Variants in CPSF7 observed in about 807,000 individuals in gnomAD.
CPSF7 encodes the protein cleavage and polyadenylation specificity factor subunit 7.
CPSF7 carries 1 observed loss-of-function variant against 44.3 expected under a neutral mutation model. That is an observed-to-expected ratio of 0.02 (90% CI 0.01 to 0.11). CPSF7 has a LOEUF of 0.11. CPSF7 is among the 10% of genes least tolerant of loss of function. The probability of loss-of-function intolerance (pLI) is 1.00; values close to 1 mark genes in which losing one functional copy is unlikely to be tolerated. For synonymous variants in CPSF7, 202 were observed against 222.0 expected (o/e 0.91, Z 0.80); for missense variants, 443 against 607.2 (o/e 0.73, Z 2.84).
intron 9 of CPSF7, among the ~76,000 whole-genome samples, chr11:61,406,978 A>G (rs550011500): frequency 3.9e-5 from 6 of 152,246 alleles, no homozygotes; most frequent in African/African-American, 1.4e-4. Context: ...GTGTTTTGCC[A>G]TGTTCCTCAG....
At chr11:61,424,729 A>G (rs1324048059) in intron 2 of CPSF7, among the ~76,000 whole-genome samples, 2 of 152,242 alleles carry the variant, frequency 1.3e-5, no homozygotes, top group Non-Finnish European at 2.9e-5. Flanking sequence ...CTGGGATTAC[A>G]GGCGTAAGCC....
intron 7 of CPSF7, among the ~76,000 whole-genome samples, chr11:61,414,142 A>C (rs1565104888): frequency 7.4e-6 from 1 of 135,146 alleles, no homozygotes; most frequent in Non-Finnish European, 1.5e-5. Flanking sequence ...TAATTTAAAA[A>C]GACTAATTTT....
chr11:61,411,740 G>T, intron 8 of CPSF7, 29 bp downstream of exon 8: 1 of 1,593,622 alleles, frequency 6.3e-7, no homozygotes, highest in African/African-American at 1.3e-5. Flanking sequence ...GCTTGGGGCT[G>T]GTAGGTGAGG....
At position 61,421,526 on chromosome 11, in the gene CPSF7, C is replaced by T; in HGVS notation, c.137G>A (p.Ser46Asn). ...TATSQPSDDR[S>N]SSTEPPPPVR... ...AGGAGGAGGTGGTTCAGTGCTGCTG[C>T]TTCTGTCATCTGAGGGCTGTGAGGT... is the stretch of plus-strand genomic sequence containing the variant. Residue 46 changes from serine to asparagine, a missense_variant, in exon 3 of 10, where the codon AGC becomes AAC. Coordinates refer to ENST00000439958, the MANE Select transcript of CPSF7 (RefSeq NM_001142565.3). 1 of 1,614,102 alleles carries T rather than the reference C, an allele frequency of 6.2e-7. No homozygotes were observed.
At chr11:61,420,208 C>G in intron 4 of CPSF7, 114 bp from the exon 5 acceptor site, 1 of 851,440 alleles carries the variant, frequency 1.2e-6, no homozygotes, top group Non-Finnish European at 1.8e-6. Flanking sequence ...TCTTGCTAAA[C>G]TAAACACACA....
At chr11:61,423,656 TAAGTTGGGAA>T (rs1861102542) in intron 2 of CPSF7, among the ~76,000 whole-genome samples, 1 of 152,226 alleles carries the variant, frequency 6.6e-6, no homozygotes, top group Non-Finnish European at 1.5e-5. Flanking sequence ...AGGAGGCACC[TAAGTTGGGAA>T]ACTTGTCTAG....
At chr11:61,415,838 G>A in intron 6 of CPSF7, 54 bp from the exon 7 acceptor site, 1 of 1,284,976 alleles carries the variant, frequency 7.8e-7, no homozygotes, top group Non-Finnish European at 1.1e-6. Flanking sequence ...TATTTTTACT[G>A]TACTCTACAA....
chr11:61,404,808 T>C (rs1859153659), intron 9 of CPSF7, 104 bp from the exon 10 acceptor site: 2 of 151,892 alleles, frequency 1.3e-5, no homozygotes, highest in Admixed American at 1.3e-4. Flanking sequence ...CGCTACAACA[T>C]AAGAAGTAAG....
chr11:61,424,936 T>C (rs757465626), intron 2 of CPSF7, among the ~76,000 whole-genome samples: 45 of 152,342 alleles, frequency 3.0e-4, no homozygotes, highest in South Asian at 1.0e-3. Context: ...TGGACTAACA[T>C]GCAGATTTGG....
In CPSF7 at chr11:61,416,049, A is replaced by G. The variant is rs994303019; in HGVS notation, c.938+56T>C. Reference sequence around the variant, plus strand: ...TGCTCACTTTCTCAGGGAGAATAAAATGCTTAATACACTTATTTACCCTGG... The same window carrying G: ...TGCTCACTTTCTCAGGGAGAATAAAGTGCTTAATACACTTATTTACCCTGG... On this transcript the variant is annotated intron_variant, in intron 6 of 9. Coordinates refer to ENST00000439958, the MANE Select transcript of CPSF7 (RefSeq NM_001142565.3). The G allele has an allele frequency of 1.4e-5, 19 of 1,402,130 alleles. No individual in the cohort carries two copies. The African/African-American group carries it at 2.6e-4, about 19-fold the overall frequency. The allele number at this position is 1,402,130 out of a possible 1,614,324, so 86.9% of individuals were successfully genotyped here.
At chr11:61,406,618 C>G (rs2135237800) in intron 9 of CPSF7, among the ~76,000 whole-genome samples, 1 of 152,290 alleles carries the variant, frequency 6.6e-6, no homozygotes, top group South Asian at 2.1e-4. Context: ...TTAATTTTTC[C>G]CATCTTGTCA....
At chr11:61,406,625 G>C (rs1003622541) in intron 9 of CPSF7, among the ~76,000 whole-genome samples, 1 of 152,166 alleles carries the variant, frequency 6.6e-6, no homozygotes, top group Non-Finnish European at 1.5e-5. Context: ...TTCCCATCTT[G>C]TCATGGGCCT....
rs1401215329 is a variant in CPSF7, at chr11:61,421,440, T to C, written c.223A>G (p.Ser75Gly). 4 of 1,614,070 alleles carry C rather than the reference T, an allele frequency of 2.5e-6. No homozygotes were observed. The highest frequency in any genetic ancestry group is 3.3e-5 in the Admixed American group (2 of 60,000). ...NKTPAILYTY[S>G]GLRNRRAAVY... is the part of the protein sequence containing the mutation. The stretch of plus-strand genomic sequence containing the variant: ...GCAGCTCGTCTATTACGCAGGCCAC[T>C]GTAGGTATACAGAATTGCAGGGGTC... The change falls in exon 3 of 10, where the codon AGT (serine) becomes GGT (glycine). Residue 75 changes from serine to glycine, a missense_variant. Transcript: ENST00000439958.
intron 7 of CPSF7, among the ~76,000 whole-genome samples, chr11:61,414,261 A>G (rs971799544): frequency 1.3e-5 from 2 of 151,410 alleles, no homozygotes; most frequent in Non-Finnish European, 2.9e-5. Context: ...GCAATTCTCA[A>G]TTCTCGTGCC....
intron 2 of CPSF7, among the ~76,000 whole-genome samples, chr11:61,423,392 C>T (rs1565116634): frequency 6.6e-6 from 1 of 152,002 alleles, no homozygotes; most frequent in Non-Finnish European, 1.5e-5. Flanking sequence ...AGGCTGGTCT[C>T]AAACCCTTCA....
rs1860348153 is a variant in CPSF7 at position 61,416,449 on chromosome 11, G to T, written c.594C>A (p.Asn198Lys). The T allele has an allele frequency of 1.9e-6, 3 of 1,613,974 alleles. No individual in the cohort carries two copies. Among genetic ancestry groups the T allele is most frequent in the Non-Finnish European group, 2.5e-6 (3 of 1,179,992 alleles). ...CCACACGAGCAGATGAGGGTACAAG[G>T]TTCTCAGAGGGTGTGGCCCGTCCAT... ...SADGRATPSE[N>K]LVPSSARVDK... The change falls in exon 6 of 10, where the codon AAC (asparagine) becomes AAA (lysine). Residue 198 changes from asparagine (N) to lysine (K), a missense_variant. Coordinates refer to ENST00000439958, the MANE Select transcript of CPSF7 (RefSeq NM_001142565.3).
At chr11:61,413,628 C>T (rs1438033403) in intron 7 of CPSF7, among the ~76,000 whole-genome samples, 1 of 143,174 alleles carries the variant, frequency 7.0e-6, no homozygotes, top group Non-Finnish European at 1.5e-5. Flanking sequence ...AGCCAGACTT[C>T]GTCTCAAAAA....
chr11:61,421,047 C>T (rs767601182), intron 3 of CPSF7: 2 of 1,326,008 alleles, frequency 1.5e-6, no homozygotes, highest in Non-Finnish European at 2.0e-6. Flanking sequence ...TAATCCCCAT[C>T]ACCCACCATT....
intron 3 of CPSF7, chr11:61,421,114 T>C (rs1860833819): frequency 7.1e-7 from 1 of 1,400,446 alleles, no homozygotes; most frequent in Non-Finnish European, 9.4e-7. Flanking sequence ...TGAAATCTCG[T>C]CCCTCAGATG....
Sources: allele counts gnomAD v4.1 joint callset (sites outside exome capture counted in the v4.1 genomes callset), GRCh38; gene constraint gnomAD v4.1.1; transcripts MANE v1.5; gene names NCBI Gene and HGNC (gene_info 2026-07-23, HGNC 2026-07-21).